PXN: variants seen among roughly 807,000 people sequenced by gnomAD.
The protein encoded by PXN is paxillin.
A neutral mutation model predicts 103.6 loss-of-function variants in PXN; 61 were observed. The ratio of observed to expected loss-of-function variants is 0.59; its 90% CI spans 0.48 to 0.73. The LOEUF (loss-of-function observed/expected upper bound fraction) is 0.73, where lower values mean the gene tolerates loss of function less well. Among genes scored for constraint, PXN ranks in the 30% least tolerant of loss-of-function variants. PXN has a pLI of 0.00. For synonymous variants in PXN, 562 were observed against 607.8 expected, an observed-to-expected ratio of 0.92 and a Z score of 1.11; for missense variants, 1,274 against 1,460.3, an observed-to-expected ratio of 0.87 and a Z score of 2.08.
Position 120,211,996 on chromosome 12 carries a change from A to G in PXN, c.*318T>C, listed in dbSNP as rs200434219. On this transcript the variant is annotated 3_prime_UTR_variant, in exon 15 of 15. Transcript: ENST00000637617. ...TGAAATATGAGGAAGAGATGGCTCC[A>G]GTGTGGGGTGCTGGCCAGGCCAGTT... 1.8e-4 allele frequency: 110 copies of G among 611,208 alleles called. 1 individual carries two copies. The highest frequency in any genetic ancestry group is 3.2e-4 in the Non-Finnish European group (103 of 319,812). 37.9% of individuals were successfully genotyped at this position (611,208 alleles called of 1,614,324 possible). A position where few individuals can be genotyped will look rare whatever the true frequency, so the allele number is the denominator to read the frequency against.
Position 120,265,585 on chromosome 12 carries a change from C to T in PXN, c.13+32G>A. On this transcript the variant is annotated intron_variant, in intron 1 of 14. Coordinates refer to ENST00000637617, the MANE Select transcript of PXN (RefSeq NM_001385981.1). This position sits in a 1 kb window ranked among gnomAD's most constrained non-coding sequence, Gnocchi z 5.7. The stretch of plus-strand genomic sequence containing the variant: ...CTGGCCCCAAGCTGCGCGCCTCTCG[C>T]CTCCTCCTCCCTCGGCCTCCCGCTC... 1 of 1,483,770 alleles carries T rather than the reference C, an allele frequency of 6.7e-7. No individual in the cohort carries two copies. The highest frequency in any genetic ancestry group is 8.9e-7 in the Non-Finnish European group (1 of 1,122,622). 91.9% of individuals were successfully genotyped at this position (1,483,770 alleles called of 1,614,324 possible).
At chr12:120,255,326 A>T (rs1892827616) in intron 1 of PXN, among the ~76,000 whole-genome samples, 1 of 152,214 alleles carries the variant, frequency 6.6e-6, no homozygotes, top group South Asian at 2.1e-4. Flanking sequence ...GGGAGAAAAA[A>T]ATATGCAGCT....
chr12:120,223,735 C>T lies in PXN; in HGVS notation c.339G>A (p.Glu113=). 6.3e-7 allele frequency: 1 copy of T among 1,599,702 alleles called. No homozygotes were observed. The highest frequency in any genetic ancestry group is 1.1e-5 in the South Asian group (1 of 88,396). ...SVGSPCSRVG[E]EEHVYSFPNK... is the part of the protein sequence containing the mutation. Reference sequence around the variant, plus strand: ...GGCAGTACCTGTAGACGTGCTCCTCCTCACCCACTCGGGAGCACGGAGAGC... The same window carrying T: ...GGCAGTACCTGTAGACGTGCTCCTCTTCACCCACTCGGGAGCACGGAGAGC... Residue 113 remains glutamate (E), a synonymous_variant, in exon 3 of 15, where the codon GAG becomes GAA. Transcript: ENST00000637617.
At chr12:120,249,462 G>A (rs1891789716) in intron 1 of PXN, among the ~76,000 whole-genome samples, 1 of 152,178 alleles carries the variant, frequency 6.6e-6, no homozygotes, top group South Asian at 2.1e-4. Context: ...GCCCAAGCCA[G>A]TGGTGCCCAA....
intron 1 of PXN, among the ~76,000 whole-genome samples, chr12:120,243,863 C>G (rs1890583209): frequency 6.6e-6 from 1 of 152,282 alleles, no homozygotes. Context: ...GCCTAAGGGG[C>G]CATGTCTCAC....
chr12:120,250,272 G>A, intron 1 of PXN: 3 of 865,072 alleles, frequency 3.5e-6, no homozygotes, highest in Non-Finnish European at 4.2e-6. Context: ...AGGACTCTCT[G>A]AGCCACTTCA....
intron 1 of PXN, among the ~76,000 whole-genome samples, chr12:120,233,806 T>A (rs1422174432): frequency 6.6e-6 from 1 of 152,112 alleles, no homozygotes. Context: ...AACCCATGTC[T>A]CCAGCCAAAC....
chr12:120,241,660 G>A (rs1277073817), intron 1 of PXN, among the ~76,000 whole-genome samples: 1 of 152,200 alleles, frequency 6.6e-6, no homozygotes, highest in African/African-American at 2.4e-5. Context: ...AAAGGGGAGG[G>A]GCTTTCCAGG....
At chr12:120,233,246 A>G (rs1436833590) in intron 1 of PXN, among the ~76,000 whole-genome samples, 1 of 152,136 alleles carries the variant, frequency 6.6e-6, no homozygotes, top group Non-Finnish European at 1.5e-5. Context: ...CCTAGACTGC[A>G]GGTCCTCTGT....
At chr12:120,261,841 G>A (rs989288584) in intron 1 of PXN, among the ~76,000 whole-genome samples, 5 of 152,322 alleles carry the variant, frequency 3.3e-5, no homozygotes, top group South Asian at 2.1e-4. Context: ...TCTCCATCAA[G>A]CTATGTCTGC....
In PXN at chr12:120,214,067, G is replaced by A. The variant is rs960402847; in HGVS notation, c.2830+69C>T. The A allele has an allele frequency of 3.8e-6, 6 of 1,573,328 alleles. No individual in the cohort carries two copies. In the African/African-American group the frequency reaches 6.8e-5, roughly 18 times the overall value. ...AGCCACTCTGACTCCAACCTCAGCA[G>A]CGTCTCCCACCCCCACCTCCCCGGC... On this transcript the variant is annotated intron_variant, in intron 13 of 14. Coordinates refer to ENST00000637617, the MANE Select transcript of PXN (RefSeq NM_001385981.1). The surrounding 1 kb of genome is among the most constrained non-coding windows in gnomAD (Gnocchi z 5.0).
chr12:120,246,514 C>CAA (rs139689226), intron 1 of PXN, among the ~76,000 whole-genome samples: 50 of 58,266 alleles, frequency 8.6e-4, no homozygotes, highest in African/African-American at 3.0e-3. Context: ...GACTCTGTCT[C>CAA]AAAAAAAAAA....
At position 120,257,461 on chromosome 12, in the gene PXN, G is replaced by T. The variant is rs549657814; in HGVS notation, c.13+8156C>A. Among the ~76,000 whole-genome samples, 8 of 152,290 alleles carry T rather than the reference G, an allele frequency of 5.3e-5. No individual in the cohort carries two copies. The South Asian group carries it at 8.3e-4, about 16-fold the overall frequency. ...GCCAGCCTCGGCATCTCTGCACGCTGACATAGATGACATGAGGCTGAAAGA... is the reference window on the plus strand; with the variant it reads ...GCCAGCCTCGGCATCTCTGCACGCTTACATAGATGACATGAGGCTGAAAGA... On this transcript the variant is annotated intron_variant, in intron 1 of 14. Transcript: ENST00000637617.
At chr12:120,245,138 C>T (rs1890841988) in intron 1 of PXN, among the ~76,000 whole-genome samples, 1 of 151,936 alleles carries the variant, frequency 6.6e-6, no homozygotes, top group Admixed American at 6.6e-5. Flanking sequence ...GTGTGGCAGC[C>T]CCAGGCCCTG....
Position 120,221,846 on chromosome 12 carries a change from G to C in PXN, c.696-88C>G, listed in dbSNP as rs71541560. ...GATCGACCTCTCACCTCGGACACTG[G>C]GGTCTCACCATCCCCAACCCCAGGG... is the stretch of plus-strand genomic sequence containing the variant. On this transcript the variant is annotated intron_variant, in intron 5 of 14. Transcript: ENST00000637617. This position sits in a 1 kb window ranked among gnomAD's most constrained non-coding sequence, Gnocchi z 6.6. The C allele has an allele frequency of 6.2e-4, 909 of 1,466,928 alleles. 2 individuals are homozygous for C. The African/African-American group carries it at 8.4e-3, about 14-fold the overall frequency. The allele number at this position is 1,466,928 out of a possible 1,614,324, so 90.9% of individuals were successfully genotyped here. A position where few individuals can be genotyped will look rare whatever the true frequency, so the allele number is the denominator to read the frequency against.
intron 1 of PXN, among the ~76,000 whole-genome samples, chr12:120,261,062 TAA>T (rs1893807320): frequency 6.6e-6 from 1 of 152,176 alleles, no homozygotes; most frequent in African/African-American, 2.4e-5. Context: ...TCCTCACTTA[TAA>T]AACAGGTAGT....
At chr12:120,250,198 G>A in intron 1 of PXN, 1 of 984,526 alleles carries the variant, frequency 1.0e-6, no homozygotes, top group Non-Finnish European at 1.2e-6. Flanking sequence ...CAGGCCATTG[G>A]ACACTCCCAT....
At chr12:120,257,403 C>A (rs1594530786) in intron 1 of PXN, among the ~76,000 whole-genome samples, 1 of 152,214 alleles carries the variant, frequency 6.6e-6, no homozygotes, top group Non-Finnish European at 1.5e-5. Flanking sequence ...GCTCTGAGCC[C>A]TCGCTAGAAG....
chr12:120,252,614 T>C (rs1411122790), intron 1 of PXN, among the ~76,000 whole-genome samples: 1 of 152,052 alleles, frequency 6.6e-6, no homozygotes, highest in East Asian at 1.9e-4. Context: ...ACTGCATTTG[T>C]CATTAAACAT....
Sources: allele counts gnomAD v4.1 joint callset (sites outside exome capture counted in the v4.1 genomes callset), GRCh38; gene constraint gnomAD v4.1.1; non-coding constraint Gnocchi (gnomAD v3.1); transcripts MANE v1.5; gene names NCBI Gene and HGNC (gene_info 2026-07-23, HGNC 2026-07-21).